Variants in RBFOX1 observed in about 807,000 individuals in gnomAD.
RBFOX1 encodes RNA binding protein fox-1 homolog 1.
Under a neutral mutation model 57.7 loss-of-function variants are expected in RBFOX1, and 8 were observed. The observed-to-expected ratio is 0.14, with a 90% CI of 0.08 to 0.25. The LOEUF is 0.25. RBFOX1 is among the 10% of genes least tolerant of loss of function. The pLI, the probability that RBFOX1 is intolerant of heterozygous loss-of-function variation, is 1.00. For synonymous variants in RBFOX1, 326 were observed against 222.4 expected, an observed-to-expected ratio of 1.47 and a Z score of -4.15; for missense variants, 611 against 548.5, an observed-to-expected ratio of 1.11 and a Z score of -1.14.
intron 1 of RBFOX1, among the ~76,000 whole-genome samples, chr16:6,076,036 C>T (rs1249145496): frequency 6.6e-6 from 1 of 152,128 alleles, no homozygotes; most frequent in Non-Finnish European, 1.5e-5. Flanking sequence ...TGGTGGCTCA[C>T]GCCTGTAATG....
intron 4 of RBFOX1, among the ~76,000 whole-genome samples, chr16:7,068,510 A>G (rs1458152825): frequency 6.6e-6 from 1 of 152,120 alleles, no homozygotes; most frequent in Non-Finnish European, 1.5e-5. Context: ...TTCACCATTT[A>G]AGTCCAGCTG....
At chr16:7,304,262 G>A (rs540669650) in intron 4 of RBFOX1, 16 of 983,862 alleles carry the variant, frequency 1.6e-5, no homozygotes, top group Non-Finnish European at 1.8e-5. Context: ...GCGAGCCACC[G>A]GTCATTGACT....
intron 3 of RBFOX1, among the ~76,000 whole-genome samples, chr16:7,032,076 C>A (rs1390786099): frequency 6.6e-6 from 1 of 152,104 alleles, no homozygotes; most frequent in Non-Finnish European, 1.5e-5. Flanking sequence ...CAGCAACTTT[C>A]GGATGGCCGT....
intron 3 of RBFOX1, among the ~76,000 whole-genome samples, chr16:6,730,900 T>C (rs947927753): frequency 1.3e-5 from 2 of 152,100 alleles, no homozygotes; most frequent in South Asian, 2.1e-4. Context: ...TTACCAAATA[T>C]GGGGTGGGGA....
intron 1 of RBFOX1, among the ~76,000 whole-genome samples, chr16:6,028,709 A>G (rs879941579): frequency 6.6e-6 from 1 of 152,146 alleles, no homozygotes; most frequent in Non-Finnish European, 1.5e-5. Flanking sequence ...AGCTCTTTGT[A>G]GAAAGATTTC....
chr16:6,348,360 C>G (rs996473538), intron 2 of RBFOX1, among the ~76,000 whole-genome samples: 1 of 152,138 alleles, frequency 6.6e-6, no homozygotes, highest in African/African-American at 2.4e-5. Flanking sequence ...GAATGAGATA[C>G]TTCAGTAGAA....
chr16:7,576,327 C>A (rs1221894554), intron 5 of RBFOX1, among the ~76,000 whole-genome samples: 1 of 152,098 alleles, frequency 6.6e-6, no homozygotes, highest in East Asian at 1.9e-4. Context: ...CTGTGTGATT[C>A]CAAAACCCTG....
intron 3 of RBFOX1, among the ~76,000 whole-genome samples, chr16:6,959,332 A>G (rs959931711): frequency 2.0e-5 from 3 of 152,126 alleles, no homozygotes; most frequent in Non-Finnish European, 2.9e-5. Context: ...CTCAGAAACT[A>G]TTGTTTTCAA....
chr16:6,705,586 C>A (rs1466252394), intron 3 of RBFOX1: 2 of 152,134 alleles, frequency 1.3e-5, no homozygotes, highest in Non-Finnish European at 2.9e-5. Flanking sequence ...GGAGAAGCGG[C>A]TGCTTTTAGG....
intron 2 of RBFOX1, among the ~76,000 whole-genome samples, chr16:6,603,240 C>G (rs113834555): frequency 0.022 from 3,361 of 152,260 alleles, 122 homozygotes; most frequent in African/African-American, 0.075. Flanking sequence ...TGGCAGAACT[C>G]AGTCATCTAA....
intron 4 of RBFOX1, among the ~76,000 whole-genome samples, chr16:5,950,879 G>A (rs1418354115): frequency 6.6e-6 from 1 of 152,132 alleles, no homozygotes; most frequent in African/African-American, 2.4e-5. Flanking sequence ...GCTAGGGGGA[G>A]ATGGCATTAT....
intron 3 of RBFOX1, among the ~76,000 whole-genome samples, chr16:5,779,701 A>T (rs1396907263): frequency 6.6e-6 from 1 of 152,120 alleles, no homozygotes; most frequent in Admixed American, 6.6e-5. Flanking sequence ...TGCACCCCCA[A>T]CCCAAGTGGA....
chr16:6,477,702 G>C (rs1043852503), intron 2 of RBFOX1, among the ~76,000 whole-genome samples: 3 of 152,192 alleles, frequency 2.0e-5, no homozygotes, highest in Non-Finnish European at 4.4e-5. Context: ...GTCCTTTGAA[G>C]CTTTAAAGCC....
chr16:7,063,863 G>A lies in RBFOX1; in HGVS notation c.27+11765G>A, dbSNP rs373406823. 2.8e-4 allele frequency among the ~76,000 whole-genome samples: 42 copies of A among 152,300 alleles called. No homozygotes were observed. The East Asian group carries it at 7.5e-3, about 27-fold the overall frequency. ...TGTTTTAAAGTATGTGGGTGGATGT[G>A]CATAGGTTATATGCAAATATCACTC... On this transcript the variant is annotated intron_variant, in intron 4 of 15. Transcript: ENST00000550418.
intron 4 of RBFOX1, among the ~76,000 whole-genome samples, chr16:7,350,995 C>G (rs1363767792): frequency 1.3e-5 from 2 of 152,232 alleles, no homozygotes; most frequent in Admixed American, 6.5e-5. Flanking sequence ...TCTATCAAAG[C>G]TGTAAGCAAC....
intron 4 of RBFOX1, among the ~76,000 whole-genome samples, chr16:7,345,631 T>C (rs1028653145): frequency 5.9e-5 from 9 of 152,234 alleles, no homozygotes; most frequent in African/African-American, 2.2e-4. Context: ...GAGTCCCCTC[T>C]CTGTCTACAT....
At position 6,637,006 on chromosome 16, in the gene RBFOX1, T is replaced by C. The variant is rs192230592; in HGVS notation, c.-63-17597T>C. Among the ~76,000 whole-genome samples the C allele has an allele frequency of 5.4e-3, 660 of 123,244 alleles. 7 individuals carry two copies. The highest frequency in any genetic ancestry group is 0.02 in the African/African-American group (638 of 31,232). 80.9% of individuals were successfully genotyped at this position (123,244 alleles called of 152,430 possible). The stretch of plus-strand genomic sequence containing the variant: ...TATGTATCATTATGTATAAAATATG[T>C]ATAAATATGTGTATAAACATTTATA... On this transcript the variant is annotated intron_variant, in intron 2 of 15. Coordinates refer to ENST00000550418, the MANE Select transcript of RBFOX1 (RefSeq NM_018723.4).
chr16:5,717,621 G>T (rs1201445047), intron 3 of RBFOX1, among the ~76,000 whole-genome samples: 1 of 152,040 alleles, frequency 6.6e-6, no homozygotes, highest in African/African-American at 2.4e-5. Context: ...CCATTCCTCA[G>T]TTACTTCACT....
intron 3 of RBFOX1, among the ~76,000 whole-genome samples, chr16:7,016,165 C>T (rs184129154): frequency 6.6e-6 from 1 of 152,080 alleles, no homozygotes; most frequent in Non-Finnish European, 1.5e-5. Flanking sequence ...ATGACCATCC[C>T]TTGCCGCGGT....
Sources: gnomAD v4.1 joint callset for allele counts (sites outside exome capture counted in the v4.1 genomes callset) on GRCh38, gnomAD v4.1.1 for gene constraint, MANE v1.5 for transcripts, NCBI Gene and HGNC (gene_info 2026-07-23, HGNC 2026-07-21) for gene names.